Variants in SNTB1 observed in about 807,000 individuals in gnomAD.
SNTB1 encodes syntrophin beta 1.
A neutral mutation model predicts 48.9 loss-of-function variants in SNTB1; 36 were observed. That is an observed-to-expected ratio of 0.74 (90% CI 0.56 to 0.97). SNTB1 has a LOEUF of 0.97. Among genes scored for constraint, SNTB1 ranks in the 50% least tolerant of loss-of-function variants. The pLI is 0.00. For synonymous variants in SNTB1, 299 were observed against 294.6 expected (o/e 1.01, Z -0.15); for missense variants, 786 against 703.4 (o/e 1.12, Z -1.33).
At chr8:120,627,923 A>T (rs1816910863) in intron 3 of SNTB1, among the ~76,000 whole-genome samples, 1 of 152,224 alleles carries the variant, frequency 6.6e-6, no homozygotes, top group Non-Finnish European at 1.5e-5. Context: ...AGTGACTCAA[A>T]TACTACAAGT....
chr8:120,584,905 A>T (rs181062019), intron 3 of SNTB1, among the ~76,000 whole-genome samples: 18 of 152,222 alleles, frequency 1.2e-4, no homozygotes, highest in African/African-American at 4.3e-4. Context: ...TTCCATGCCA[A>T]GGAATGCCAG....
chr8:120,645,642 T>G (rs1231494438), intron 2 of SNTB1, among the ~76,000 whole-genome samples: 5 of 131,144 alleles, frequency 3.8e-5, no homozygotes, highest in Admixed American at 8.1e-5. Flanking sequence ...GACTTGGCAA[T>G]GCGGGCTCTT....
intron 4 of SNTB1, among the ~76,000 whole-genome samples, chr8:120,561,334 A>G (rs559181733): frequency 6.6e-5 from 3 of 45,356 alleles, no homozygotes; most frequent in African/African-American, 1.4e-4. Flanking sequence ...AAAAAAAAAA[A>G]AAAAAAGAAA....
chr8:120,669,221 G>A (rs1229403966), intron 2 of SNTB1, among the ~76,000 whole-genome samples: 1 of 152,192 alleles, frequency 6.6e-6, no homozygotes, highest in East Asian at 1.9e-4. Context: ...CTGCACTAAA[G>A]GAACTTTTTC....
At chr8:120,766,154 C>G (rs375128721) in intron 1 of SNTB1, among the ~76,000 whole-genome samples, 6 of 152,128 alleles carry the variant, frequency 3.9e-5, no homozygotes. Context: ...TATTTATTGA[C>G]CAAATGCTGC....
At chr8:120,561,802 C>G (rs1211872783) in intron 4 of SNTB1, among the ~76,000 whole-genome samples, 27 of 152,188 alleles carry the variant, frequency 1.8e-4, no homozygotes, top group Admixed American at 1.8e-3. Flanking sequence ...CATACCGCCT[C>G]CAGATATTCT....
chr8:120,738,008 A>G lies in SNTB1; in HGVS notation c.572-44100T>C, dbSNP rs970628774. On this transcript the variant is annotated intron_variant, in intron 1 of 6. Transcript: ENST00000517992. ...GTTTGTATCCTCCCCAAATTCACAT[A>G]TTGAAATCCTAACTCCCAGGGTGAT... 3.9e-5 allele frequency among the ~76,000 whole-genome samples: 6 copies of G among 152,148 alleles called. No homozygotes were observed. In the East Asian group the frequency reaches 9.6e-4, roughly 24 times the overall value.
At chr8:120,802,941 C>A (rs537873954) in intron 1 of SNTB1, among the ~76,000 whole-genome samples, 14 of 152,018 alleles carry the variant, frequency 9.2e-5, no homozygotes, top group Non-Finnish European at 4.4e-5. Context: ...GGAATTGAAG[C>A]CCAGACGGAG....
chr8:120,559,221 GCTT>G (rs1290644436), intron 4 of SNTB1, among the ~76,000 whole-genome samples: 1 of 152,172 alleles, frequency 6.6e-6, no homozygotes, highest in Non-Finnish European at 1.5e-5. Flanking sequence ...TCCATTTCCT[GCTT>G]CTTCTTTTGA....
chr8:120,795,741 G>A lies in SNTB1; in HGVS notation c.571+15532C>T, dbSNP rs149142753. On this transcript the variant is annotated intron_variant, in intron 1 of 6. Transcript: ENST00000517992. ...CAAGATCCAGGTGTCAGCAGGTTTGGTTCCTTCTGAAGACTGTGAGGGAGA... is the reference window on the plus strand; with the variant it reads ...CAAGATCCAGGTGTCAGCAGGTTTGATTCCTTCTGAAGACTGTGAGGGAGA... 3.3e-5 allele frequency among the ~76,000 whole-genome samples: 5 copies of A among 152,050 alleles called. No individual in the cohort carries two copies. The East Asian group carries it at 7.8e-4, about 24-fold the overall frequency.
intron 2 of SNTB1, among the ~76,000 whole-genome samples, chr8:120,664,813 T>TGGTA (rs1587072905): frequency 6.6e-6 from 1 of 152,238 alleles, no homozygotes; most frequent in Non-Finnish European, 1.5e-5. Flanking sequence ...CTGGCTCATA[T>TGGTA]GGTAGGTGTG....
intron 1 of SNTB1, among the ~76,000 whole-genome samples, chr8:120,801,684 C>A (rs1200097292): frequency 6.6e-6 from 1 of 151,960 alleles, no homozygotes; most frequent in African/African-American, 2.4e-5. Flanking sequence ...TTGAGAATGT[C>A]CTTGAAAATT....
chr8:120,725,980 T>C (rs1818749544), intron 1 of SNTB1, among the ~76,000 whole-genome samples: 2 of 152,224 alleles, frequency 1.3e-5, no homozygotes, highest in African/African-American at 4.8e-5. Context: ...TACAAACCAA[T>C]CTGATCAATC....
intron 4 of SNTB1, among the ~76,000 whole-genome samples, chr8:120,564,298 G>A (rs1299865800): frequency 2.6e-5 from 4 of 152,070 alleles, no homozygotes; most frequent in Non-Finnish European, 4.4e-5. Flanking sequence ...AATGCTAAGA[G>A]ACAATAGAGA....
Position 120,629,449 on chromosome 8 carries a change from A to G in SNTB1, c.996+2995T>C, listed in dbSNP as rs534148008. Among the ~76,000 whole-genome samples, 9 of 152,332 alleles carry G rather than the reference A, an allele frequency of 5.9e-5. No individual in the cohort carries two copies. The South Asian group carries it at 1.7e-3, about 28-fold the overall frequency. On this transcript the variant is annotated intron_variant, in intron 3 of 6. Coordinates refer to ENST00000517992, the MANE Select transcript of SNTB1 (RefSeq NM_021021.4). ...AAATTTACAAAATCAAAATATAACA[A>G]TATAGGAAAAGACAAAGAACATCAA...
intron 2 of SNTB1, among the ~76,000 whole-genome samples, chr8:120,636,243 T>A (rs539983250): frequency 1.9e-3 from 295 of 152,050 alleles, no homozygotes; most frequent in Admixed American, 4.1e-3. Context: ...TCTTTTTTTT[T>A]ATTTTTTTAT....
At chr8:120,606,011 C>A (rs1206428976) in intron 3 of SNTB1, among the ~76,000 whole-genome samples, 2 of 151,984 alleles carry the variant, frequency 1.3e-5, no homozygotes, top group Admixed American at 6.6e-5. Context: ...CATCTGGGAA[C>A]CTTTGTGGAA....
chr8:120,574,938 T>C, intron 4 of SNTB1, 148 bp downstream of exon 4: 2 of 883,046 alleles, frequency 2.3e-6, no homozygotes, highest in Middle Eastern at 2.5e-4. Flanking sequence ...CATTAATCTA[T>C]GTGGCTAAAA....
chr8:120,693,969 G>C (rs1818169580), intron 1 of SNTB1, 61 bp from the exon 2 acceptor site: 1 of 1,314,168 alleles, frequency 7.6e-7, no homozygotes. Flanking sequence ...TGGGAAGTCT[G>C]ATTGTGTTTC....
Sources: gnomAD v4.1 joint callset for allele counts (sites outside exome capture counted in the v4.1 genomes callset) on GRCh38, gnomAD v4.1.1 for gene constraint, MANE v1.5 for transcripts, NCBI Gene and HGNC (gene_info 2026-07-23, HGNC 2026-07-21) for gene names.